MAPK14: variants seen among roughly 807,000 people sequenced by gnomAD.
MAPK14 encodes mitogen-activated protein kinase 14, also known as CSAID-binding protein.
MAPK14 carries 16 observed loss-of-function variants against 49.6 expected under a neutral mutation model. The ratio of observed to expected loss-of-function variants is 0.32; its 90% CI spans 0.22 to 0.49. The LOEUF is 0.49. MAPK14 is among the 20% of genes least tolerant of loss of function. The pLI is 0.99. For missense variants in MAPK14, 200 were observed against 441.2 expected (o/e 0.45, Z 4.90); for synonymous variants, 142 against 158.0 (o/e 0.90, Z 0.76).
At position 36,100,066 on chromosome 6, in the gene MAPK14, G is replaced by C. The variant is rs1765579996; in HGVS notation, c.763-2505G>C. The C allele has an allele frequency of 8.8e-6, 6 of 681,614 alleles. No homozygotes were observed. In the South Asian group the frequency reaches 9.7e-5, roughly 11 times the overall value. The allele number at this position is 681,614 out of a possible 1,614,324, so 42.2% of individuals were successfully genotyped here. ...CATGCAGCTGTGGGCTCTCGGGTAG[G>C]GGGAATGGAGGGTAGGTTTTTTTGT... is the stretch of plus-strand genomic sequence containing the variant. On this transcript the variant is annotated intron_variant, in intron 9 of 11. Coordinates refer to ENST00000229794, the MANE Select transcript of MAPK14 (RefSeq NM_139012.3).
chr6:36,112,893 G>A (rs898574500), downstream of MAPK14, among the ~76,000 whole-genome samples: 2 of 152,198 alleles, frequency 1.3e-5, no homozygotes, highest in Non-Finnish European at 2.9e-5. Flanking sequence ...GAGACTAACA[G>A]AAGACCAGAA....
intron 3 of MAPK14, among the ~76,000 whole-genome samples, chr6:36,072,193 CTG>C (rs1215137668): frequency 6.6e-6 from 1 of 152,034 alleles, no homozygotes; most frequent in Admixed American, 6.6e-5. Context: ...AAAAAATTAG[CTG>C]TGCGTGGTGG....
At chr6:36,040,214 A>G (rs1043886346) in intron 1 of MAPK14, among the ~76,000 whole-genome samples, 4 of 152,106 alleles carry the variant, frequency 2.6e-5, no homozygotes, top group African/African-American at 4.8e-5. Context: ...TGTGCAGTGT[A>G]GTATGTTTAG....
At chr6:36,075,518 T>A (rs1364491876) in intron 6 of MAPK14, among the ~76,000 whole-genome samples, 2 of 152,210 alleles carry the variant, frequency 1.3e-5, no homozygotes. Flanking sequence ...TCTATCCACC[T>A]GCTGATGGAC....
intron 3 of MAPK14, among the ~76,000 whole-genome samples, chr6:36,065,547 T>TGTGTGTGTGTGTGTGTGTGTGTG (rs1581777404): frequency 3.4e-5 from 5 of 145,322 alleles, no homozygotes; most frequent in South Asian, 2.2e-4. Flanking sequence ...TGTGTGTGTG[T>TGTGTGTGTGTGTGTGTGTGTGTG]TTGGTGGGAA....
intron 3 of MAPK14, among the ~76,000 whole-genome samples, chr6:36,060,494 G>T (rs1763774107): frequency 6.6e-6 from 1 of 152,192 alleles, no homozygotes; most frequent in South Asian, 2.1e-4. Context: ...TTCCTAAATG[G>T]AGAGTGTTAC....
chr6:36,080,442 G>A (rs962338660), intron 8 of MAPK14, among the ~76,000 whole-genome samples: 19 of 152,068 alleles, frequency 1.2e-4, no homozygotes, highest in Non-Finnish European at 2.5e-4. Flanking sequence ...TTTCATAGAA[G>A]TAGAATCATA....
intron 2 of MAPK14, among the ~76,000 whole-genome samples, chr6:36,057,053 T>G (rs1358841526): frequency 2.0e-5 from 3 of 152,248 alleles, no homozygotes; most frequent in Non-Finnish European, 4.4e-5. Context: ...CTTACCTCTA[T>G]GGAGGACCAT....
chr6:36,051,513 C>T (rs914572645), intron 1 of MAPK14, among the ~76,000 whole-genome samples: 4 of 152,206 alleles, frequency 2.6e-5, no homozygotes, highest in Admixed American at 2.6e-4. Context: ...CCACTCTCCC[C>T]TTGCTCCCTG....
intron 8 of MAPK14, among the ~76,000 whole-genome samples, chr6:36,091,627 C>T (rs746112052): frequency 7.9e-5 from 12 of 152,080 alleles, no homozygotes; most frequent in Admixed American, 2.6e-4. Context: ...GGAAGACTGG[C>T]CTGTATTTCA....
chr6:36,086,772 C>T (rs998318353), intron 8 of MAPK14, among the ~76,000 whole-genome samples: 1 of 152,194 alleles, frequency 6.6e-6, no homozygotes, highest in African/African-American at 2.4e-5. Flanking sequence ...AAAGGAGGGA[C>T]TCCCCTATAA....
intron 8 of MAPK14, among the ~76,000 whole-genome samples, chr6:36,085,735 C>T (rs959867501): frequency 6.6e-6 from 1 of 152,076 alleles, no homozygotes; most frequent in Non-Finnish European, 1.5e-5. Flanking sequence ...TTTAATACCC[C>T]ACTGTCAATA....
chr6:36,121,781 C>A, the MAPK14 span, among the ~76,000 whole-genome samples: 1 of 152,216 alleles, frequency 6.6e-6, no homozygotes, highest in East Asian at 1.9e-4. Flanking sequence ...GTTACTAGCA[C>A]TGACCCTGGG....
intron 1 of MAPK14, among the ~76,000 whole-genome samples, chr6:36,039,168 C>T (rs1762860640): frequency 6.6e-6 from 1 of 152,058 alleles, no homozygotes; most frequent in Non-Finnish European, 1.5e-5. Context: ...ATTTATTGTC[C>T]TCCCTGCCTT....
intron 2 of MAPK14, among the ~76,000 whole-genome samples, chr6:36,054,762 G>A (rs1763530350): frequency 6.6e-6 from 1 of 152,094 alleles, no homozygotes; most frequent in Non-Finnish European, 1.5e-5. Context: ...TTTAATTGAG[G>A]GTTTTCAGAG....
chr6:36,030,559 C>A (rs949306725), intron 1 of MAPK14, among the ~76,000 whole-genome samples: 1 of 151,786 alleles, frequency 6.6e-6, no homozygotes, highest in Non-Finnish European at 1.5e-5. Context: ...TGGTGGCGGG[C>A]GCCTGTACTC....
Position 36,102,562 on chromosome 6 carries a change from T to C in MAPK14, c.763-9T>C. On this transcript the variant is annotated splice_polypyrimidine_tract_variant and intron_variant, in intron 9 of 11. Transcript: ENST00000229794. Reference sequence around the variant, plus strand: ...AACAAAGTCATTCTGAAAACCCTTGTTTTTTCAGGCAAGAAACTATATTCA... The same window carrying C: ...AACAAAGTCATTCTGAAAACCCTTGCTTTTTCAGGCAAGAAACTATATTCA... 1.2e-6 allele frequency: 2 copies of C among 1,608,882 alleles called. No homozygotes were observed. The highest frequency in any genetic ancestry group is 1.7e-6 in the Non-Finnish European group (2 of 1,176,776).
intron 3 of MAPK14, among the ~76,000 whole-genome samples, chr6:36,061,881 C>T (rs542130465): frequency 6.6e-6 from 1 of 152,286 alleles, no homozygotes; most frequent in East Asian, 1.9e-4. Flanking sequence ...ATAGAATGAA[C>T]TTGTTTGCCC....
chr6:36,105,478 T>TA (rs1172914109), intron 10 of MAPK14, among the ~76,000 whole-genome samples: 1 of 152,212 alleles, frequency 6.6e-6, no homozygotes, highest in Non-Finnish European at 1.5e-5. Flanking sequence ...CTTTTTACCC[T>TA]AAGGGTAACA....
Sources: allele counts gnomAD v4.1 joint callset (sites outside exome capture counted in the v4.1 genomes callset), GRCh38; gene constraint gnomAD v4.1.1; transcripts MANE v1.5; gene names NCBI Gene and HGNC (gene_info 2026-07-23, HGNC 2026-07-21).